Variants in FOXP1 observed in about 807,000 individuals in gnomAD.
The protein encoded by FOXP1 is forkhead box protein P1.
A neutral mutation model predicts 98.2 loss-of-function variants in FOXP1; 15 were observed. That is an observed-to-expected ratio of 0.15 (90% CI 0.10 to 0.24). FOXP1 has a LOEUF of 0.24. Among genes scored for constraint, FOXP1 ranks in the 10% least tolerant of loss-of-function variants. The pLI is 1.00. For missense variants in FOXP1, 633 were observed against 848.5 expected, an observed-to-expected ratio of 0.75 and a Z score of 3.15; for synonymous variants, 371 against 314.5, an observed-to-expected ratio of 1.18 and a Z score of -1.90.
intron 2 of FOXP1, among the ~76,000 whole-genome samples, chr3:71,511,214 C>G (rs1198044862): frequency 2.0e-5 from 3 of 152,148 alleles, no homozygotes; most frequent in Admixed American, 6.5e-5. Flanking sequence ...TGGTTTATGT[C>G]CCCTGCAGAG....
intron 5 of FOXP1, among the ~76,000 whole-genome samples, chr3:71,284,158 G>T (rs1180742370): frequency 6.6e-6 from 1 of 152,266 alleles, no homozygotes; most frequent in Admixed American, 6.5e-5. Context: ...ATCCAGTACT[G>T]ATAGGATGAG....
chr3:71,582,615 G>T, intron 1 of FOXP1: 3 of 985,424 alleles, frequency 3.0e-6, no homozygotes, highest in Middle Eastern at 5.2e-4. Context: ...TTCAGAGGGG[G>T]GTAAAATCAG....
chr3:71,117,278 G>T (rs1255942093), intron 6 of FOXP1, among the ~76,000 whole-genome samples: 1 of 151,450 alleles, frequency 6.6e-6, no homozygotes, highest in Non-Finnish European at 1.5e-5. Context: ...GTAGAGACGG[G>T]GTCTCATTGT....
chr3:71,502,336 G>A (rs1443239441), intron 2 of FOXP1, among the ~76,000 whole-genome samples: 1 of 152,196 alleles, frequency 6.6e-6, no homozygotes, highest in African/African-American at 2.4e-5. Flanking sequence ...AGAGCTGGCT[G>A]CCATCTGGGT....
Position 70,956,276 on chromosome 3 carries a change from G to A in FOXP1, c.*2971C>T, listed in dbSNP as rs1444093534. 1 of 233,376 alleles carries A rather than the reference G, an allele frequency of 4.3e-6. No individual in the cohort carries two copies. The highest frequency in any genetic ancestry group is 6.0e-5 in the East Asian group (1 of 16,566). 14.5% of individuals were successfully genotyped at this position (233,376 alleles called of 1,614,324 possible). On this transcript the variant is annotated 3_prime_UTR_variant, in exon 21 of 21. Coordinates refer to ENST00000649528, the MANE Select transcript of FOXP1 (RefSeq NM_001349338.3). ...AACCCCATCCTAAAGAAGCAACTGG[G>A]ATAACCCCCAGGGGATACAGAATCA...
At chr3:71,329,861 G>T (rs1278792494) in intron 4 of FOXP1, 2 of 152,126 alleles carry the variant, frequency 1.3e-5, no homozygotes, top group Non-Finnish European at 2.9e-5. Flanking sequence ...ATCAGAATAA[G>T]ATGATTTTTA....
intron 7 of FOXP1, among the ~76,000 whole-genome samples, chr3:71,077,073 T>C (rs1169568167): frequency 6.6e-6 from 1 of 152,234 alleles, no homozygotes; most frequent in African/African-American, 2.4e-5. Flanking sequence ...ACATCAGACA[T>C]AGTTATCTTA....
At chr3:71,160,870 C>T (rs1411150376) in intron 6 of FOXP1, among the ~76,000 whole-genome samples, 1 of 152,152 alleles carries the variant, frequency 6.6e-6, no homozygotes, top group Non-Finnish European at 1.5e-5. Flanking sequence ...TCATCTTTCC[C>T]CCAACCTCAT....
intron 5 of FOXP1, among the ~76,000 whole-genome samples, chr3:71,246,499 C>T (rs1411987581): frequency 6.6e-6 from 1 of 152,170 alleles, no homozygotes; most frequent in Non-Finnish European, 1.5e-5. Context: ...CTGGGCTGCC[C>T]TCTAAACTGC....
intron 3 of FOXP1, among the ~76,000 whole-genome samples, chr3:71,439,873 G>T (rs1221388699): frequency 6.6e-6 from 1 of 150,970 alleles, no homozygotes; most frequent in Non-Finnish European, 1.5e-5. Context: ...CTGAACCCAG[G>T]AGATGGGGGT....
chr3:71,322,267 G>A (rs2075434391), intron 4 of FOXP1, among the ~76,000 whole-genome samples: 1 of 152,200 alleles, frequency 6.6e-6, no homozygotes, highest in African/African-American at 2.4e-5. Context: ...TTAGCCACAT[G>A]TGGCTTTTAA....
chr3:70,984,473 A>G (rs2039402790), intron 14 of FOXP1, among the ~76,000 whole-genome samples: 1 of 152,154 alleles, frequency 6.6e-6, no homozygotes, highest in Non-Finnish European at 1.5e-5. Flanking sequence ...ACGGAAAGTG[A>G]GACTGTGTGA....
intron 3 of FOXP1, among the ~76,000 whole-genome samples, chr3:71,422,035 G>A (rs566872229): frequency 1.4e-3 from 216 of 152,274 alleles, no homozygotes; most frequent in African/African-American, 5.0e-3. Context: ...ACAGTCTGCA[G>A]TCACCCCGCA....
chr3:71,091,529 A>AAC (rs1209321547), intron 7 of FOXP1, among the ~76,000 whole-genome samples: 7 of 150,942 alleles, frequency 4.6e-5, no homozygotes, highest in Non-Finnish European at 8.9e-5. Flanking sequence ...CAAACAAACA[A>AAC]AAAAAAAACT....
At chr3:71,212,726 C>G (rs1340728892) in intron 5 of FOXP1, among the ~76,000 whole-genome samples, 1 of 152,116 alleles carries the variant, frequency 6.6e-6, no homozygotes. Context: ...ATTAATCCAA[C>G]CTTTTTGTAA....
At chr3:70,995,593 A>C (rs1192246326) in intron 13 of FOXP1, among the ~76,000 whole-genome samples, 1 of 152,230 alleles carries the variant, frequency 6.6e-6, no homozygotes, top group Non-Finnish European at 1.5e-5. Flanking sequence ...CTATGTGTAT[A>C]GTATAAGGAA....
intron 3 of FOXP1, among the ~76,000 whole-genome samples, chr3:71,375,640 G>C (rs796630707): frequency 3.3e-5 from 5 of 152,240 alleles, no homozygotes; most frequent in African/African-American, 1.2e-4. Flanking sequence ...AGACATTCTA[G>C]ACTGAAACAC....
chr3:71,260,838 G>A (rs556556731), intron 5 of FOXP1, among the ~76,000 whole-genome samples: 2 of 152,046 alleles, frequency 1.3e-5, no homozygotes, highest in South Asian at 4.2e-4. Context: ...CCCCACGCCC[G>A]GCCTACAGTT....
At chr3:70,972,164 T>C (rs2107187021) in intron 18 of FOXP1, 3 of 1,527,658 alleles carry the variant, frequency 2.0e-6, no homozygotes, top group Non-Finnish European at 2.6e-6. Flanking sequence ...CAGTGAGAGG[T>C]TGGTGCGAAT....
Sources: gnomAD v4.1 joint callset for allele counts (sites outside exome capture counted in the v4.1 genomes callset) on GRCh38, gnomAD v4.1.1 for gene constraint, MANE v1.5 for transcripts, NCBI Gene and HGNC (gene_info 2026-07-23, HGNC 2026-07-21) for gene names.